Variants in SPEG observed in about 807,000 individuals in gnomAD.
The protein encoded by SPEG is striated muscle preferentially expressed protein kinase.
SPEG carries 114 observed loss-of-function variants against 300.4 expected under a neutral mutation model. That is an observed-to-expected ratio of 0.38 (90% confidence interval 0.33 to 0.44). The LOEUF (loss-of-function observed/expected upper bound fraction) is 0.44, where lower values mean the gene tolerates loss of function less well. Ranked by LOEUF, SPEG falls within the 20% of genes least tolerant of loss-of-function variation. The probability of loss-of-function intolerance (pLI) is 1.00; values close to 1 mark genes in which losing one functional copy is unlikely to be tolerated. For missense variants in SPEG, 4,201 were observed against 4,586.2 expected (o/e 0.92, Z 2.43); for synonymous variants, 1,964 against 2,018.9 (o/e 0.97, Z 0.73).
intron 18 of SPEG, among the ~76,000 whole-genome samples, chr2:219,474,530 C>T (rs528099510): frequency 6.6e-5 from 10 of 152,162 alleles, no homozygotes; most frequent in East Asian, 3.9e-4. Flanking sequence ...AGACTGAGGC[C>T]GAGGCTAAGA....
In SPEG at chr2:219,488,673, T is replaced by C. The variant is rs1367172780; in HGVS notation, c.8026+8T>C. On this transcript the variant is annotated splice_region_variant and intron_variant, in intron 33 of 40. Transcript: ENST00000312358. ...GTACCGTGGCTGTGGCCCGTGAGCC[T>C]GGGGCAGGGCCCCAGGGGGGTAGTG... is the stretch of plus-strand genomic sequence containing the variant. The C allele has an allele frequency of 1.9e-6, 3 of 1,601,302 alleles. No homozygotes were observed. The highest frequency in any genetic ancestry group is 2.6e-6 in the Non-Finnish European group (3 of 1,172,786).
Position 219,467,449 on chromosome 2 carries a change from A to G in SPEG, c.3142+15A>G. 1.3e-6 allele frequency: 2 copies of G among 1,588,972 alleles called. No homozygotes were observed. Among genetic ancestry groups the G allele is most frequent in the South Asian group, 1.1e-5 (1 of 89,802 alleles). On this transcript the variant is annotated intron_variant, in intron 10 of 40. Coordinates refer to ENST00000312358, the MANE Select transcript of SPEG (RefSeq NM_005876.5). ...CACGGCCAAAGGTAACTCCCCACTCAGGCATTGGGCTGCCGTGGGTGCCCA... is the reference window on the plus strand; with the variant it reads ...CACGGCCAAAGGTAACTCCCCACTCGGGCATTGGGCTGCCGTGGGTGCCCA...
In SPEG at chr2:219,472,312, G is replaced by A. The variant is rs777399726; in HGVS notation, c.3921G>A (p.Arg1307=). The A allele has an allele frequency of 4.2e-5, 68 of 1,613,764 alleles. 1 individual carries two copies. The highest frequency in any genetic ancestry group is 5.5e-5 in the Non-Finnish European group (65 of 1,179,978). ...RMVTLTWNPP[R]SLDMAIDPDS... Reference sequence around the variant, plus strand: ...TCACACTCACATGGAACCCCCCCAGGAGTCTGGACATGGCCATCGGTGGGT... The same window carrying A: ...TCACACTCACATGGAACCCCCCCAGAAGTCTGGACATGGCCATCGGTGGGT... The change falls in exon 15 of 41, where the codon AGG becomes AGA. Residue 1307 remains arginine (R), a synonymous_variant. Transcript: ENST00000312358.
chr2:219,445,968 G>T lies in SPEG; in HGVS notation c.815+807G>T, dbSNP rs568503498. 6.6e-6 allele frequency among the ~76,000 whole-genome samples: 1 copy of T among 152,138 alleles called. No homozygotes were observed. The highest frequency in any genetic ancestry group is 1.5e-5 in the Non-Finnish European group (1 of 67,982). ...TTGGGGCTCGCAGATACAGGAGGGA[G>T]TGCTATAGTGGAAGAGGGGAGTGGC... On this transcript the variant is annotated intron_variant, in intron 3 of 40. Coordinates refer to ENST00000312358, the MANE Select transcript of SPEG (RefSeq NM_005876.5). This position sits in a 1 kb window ranked among gnomAD's most constrained non-coding sequence, Gnocchi z 6.1.
intron 1 of SPEG, 102 bp downstream of exon 1, chr2:219,435,467 CGCCTTCTTCCCAGGT>C (rs1371444613): frequency 7.9e-7 from 1 of 1,259,202 alleles, no homozygotes; most frequent in Non-Finnish European, 1.0e-6. Context: ...CTGGTTCCGC[CGCCTTCTTCCCAGGT>C]GCCCTGGCTT....
At position 219,472,214 on chromosome 2, in the gene SPEG, C is replaced by A; in HGVS notation, c.3836-13C>A. 5 of 1,612,586 alleles carry A rather than the reference C, an allele frequency of 3.1e-6. No homozygotes were observed. Among genetic ancestry groups the A allele is most frequent in the Non-Finnish European group, 4.2e-6 (5 of 1,179,308 alleles). ...CCCTTGGACCCAGCAGACATTCGAA[C>A]TGCGGCTTTCAGATGTGGTCCCAGG... On this transcript the variant is annotated splice_polypyrimidine_tract_variant and intron_variant, in intron 14 of 40. Coordinates refer to ENST00000312358, the MANE Select transcript of SPEG (RefSeq NM_005876.5).
At position 219,448,535 on chromosome 2, in the gene SPEG, G is replaced by A; in HGVS notation, c.1377G>A (p.Ala459=). Residue 459 remains alanine (A), a synonymous_variant, in exon 4 of 41, where the codon GCG becomes GCA. Coordinates refer to ENST00000312358, the MANE Select transcript of SPEG (RefSeq NM_005876.5). ...GGGCCTCGCAGGAAGAACTGCGGGC[G>A]CCAGGCAGCGTGGCCGAGCGGCGCC... The part of the protein sequence containing the change: ...TPGASQEELR[A]PGSVAERRRL... 1.4e-6 allele frequency: 2 copies of A among 1,444,020 alleles called. No individual in the cohort carries two copies. The highest frequency in any genetic ancestry group is 9.0e-7 in the Non-Finnish European group (1 of 1,108,094). The allele number at this position is 1,444,020 out of a possible 1,614,324, so 89.5% of individuals were successfully genotyped here.
chr2:219,473,496 C>A lies in SPEG; in HGVS notation c.4148-8C>A, dbSNP rs1692072360. ...CCCAGCACAGAGCCTGCGCTCTCCT[C>A]CTCCCAGGCCCAACCCTGGAGGAGG... On this transcript the variant is annotated splice_polypyrimidine_tract_variant and splice_region_variant and intron_variant, in intron 16 of 40. Transcript: ENST00000312358. This position sits in a 1 kb window ranked among gnomAD's most constrained non-coding sequence, Gnocchi z 4.6. 1.9e-6 allele frequency: 3 copies of A among 1,613,574 alleles called. No homozygotes were observed. Among genetic ancestry groups the A allele is most frequent in the Non-Finnish European group, 2.5e-6 (3 of 1,179,900 alleles).
Position 219,483,809 on chromosome 2 carries a change from C to G in SPEG, c.6346C>G (p.His2116Asp), listed in dbSNP as rs753586945. The G allele has an allele frequency of 2.5e-6, 4 of 1,575,440 alleles. No homozygotes were observed. Among genetic ancestry groups the G allele is most frequent in the Non-Finnish European group, 3.4e-6 (4 of 1,167,816 alleles). ...RAASSEAAPHHQPPLENRGLQ... is the reference protein window; with the variant it reads ...RAASSEAAPHDQPPLENRGLQ... ...TGCCTCCAGCGAGGCAGCGCCCCAC[C>G]ACCAGCCCCCACTCGAGAACCGGGG... Residue 2116 changes from histidine to aspartate, a missense_variant, in exon 30 of 41, where the codon CAC becomes GAC. Physicochemically the swap from His to Asp is moderately conservative, Grantham distance 81. Transcript: ENST00000312358.
At chr2:219,475,015 C>T (rs1355853430) in intron 18 of SPEG, among the ~76,000 whole-genome samples, 1 of 152,002 alleles carries the variant, frequency 6.6e-6, no homozygotes, top group Non-Finnish European at 1.5e-5. Context: ...GAACTCCTGG[C>T]CTCAAGTAAT....
Position 219,444,550 on chromosome 2 carries a change from T to C in SPEG, c.389-103T>C. On this transcript the variant is annotated intron_variant, in intron 1 of 40. Coordinates refer to ENST00000312358, the MANE Select transcript of SPEG (RefSeq NM_005876.5). This position sits in a 1 kb window ranked among gnomAD's most constrained non-coding sequence, Gnocchi z 7.8. ...GAGGAGGTGCTGGCAGCCCTGCCAG[T>C]GATAAGATGGAGCCTGCTGTTGGCA... 1 of 951,176 alleles carries C rather than the reference T, an allele frequency of 1.1e-6. No homozygotes were observed. The highest frequency in any genetic ancestry group is 1.6e-5 in the African/African-American group (1 of 61,626). 58.9% of individuals were successfully genotyped at this position (951,176 alleles called of 1,614,324 possible).
chr2:219,476,836 C>A, intron 18 of SPEG, 34 bp from the exon 19 acceptor site: 1 of 1,568,838 alleles, frequency 6.4e-7, no homozygotes, highest in Non-Finnish European at 8.8e-7. Context: ...CCCCTAGCCC[C>A]TTCTCTTCCC....
chr2:219,436,138 C>T (rs1954712390), intron 1 of SPEG, among the ~76,000 whole-genome samples: 1 of 152,228 alleles, frequency 6.6e-6, no homozygotes, highest in Admixed American at 6.5e-5. Flanking sequence ...GTTTCCAGAG[C>T]ATGGAAGGGG....
At position 219,471,974 on chromosome 2, in the gene SPEG, C is replaced by T. The variant is rs763664009; in HGVS notation, c.3822C>T (p.His1274=). Residue 1274 remains histidine, a synonymous_variant, in exon 14 of 41, where the codon CAC becomes CAT. Coordinates refer to ENST00000312358, the MANE Select transcript of SPEG (RefSeq NM_005876.5). ...TGGGCAAAGCTGCCTGCTATGCCCA[C>T]CTGTATGTCACAGGTGAGGCAGGCA... ...NKLGKAACYA[H]LYVTDVVPGP... 6.2e-7 allele frequency: 1 copy of T among 1,612,854 alleles called. No individual in the cohort carries two copies. Among genetic ancestry groups the T allele is most frequent in the East Asian group, 2.2e-5 (1 of 44,892 alleles).
rs375345784 is a variant in SPEG at position 219,490,812 on chromosome 2, G to A, written c.9241G>A (p.Val3081Met). 15 of 1,613,948 alleles carry A rather than the reference G, an allele frequency of 9.3e-6. No individual in the cohort carries two copies. The highest frequency in any genetic ancestry group is 3.3e-5 in the Admixed American group (2 of 60,004). The change falls in exon 38 of 41, where the codon GTG (valine) becomes ATG (methionine). Residue 3081 changes from valine to methionine, a missense_variant. Val to Met is a conservative substitution (Grantham distance 21). This residue lies in a region of SPEG where 318 missense variants were observed against 429.5 expected (regional missense o/e 0.74). Coordinates refer to ENST00000312358, the MANE Select transcript of SPEG (RefSeq NM_005876.5). Reference protein sequence around the residue: ...QGLDYLHGHHVLHLDIKPDNL... With the variant: ...QGLDYLHGHHMLHLDIKPDNL... ...CCTGGACTACCTCCACGGCCACCAC[G>A]TGCTCCACCTAGACATCAAGCCAGA...
At chr2:219,442,145 G>T in intron 1 of SPEG, 1 of 1,082,788 alleles carries the variant, frequency 9.2e-7, no homozygotes, top group South Asian at 4.7e-5. Flanking sequence ...GCCCCGGAGG[G>T]AGGGCGGGTC....
chr2:219,459,574 G>C lies in SPEG; in HGVS notation c.2441-2308G>C, dbSNP rs1383859942. Among the ~76,000 whole-genome samples the C allele has an allele frequency of 6.6e-6, 1 of 152,098 alleles. No homozygotes were observed. The highest frequency in any genetic ancestry group is 2.4e-5 in the African/African-American group (1 of 41,412). ...ATGCCCTCCAGCATGCTGTTCCCCTGGGCACCACCAGGGGTCTCTGAGGCT... is the reference window on the plus strand; with the variant it reads ...ATGCCCTCCAGCATGCTGTTCCCCTCGGCACCACCAGGGGTCTCTGAGGCT... On this transcript the variant is annotated intron_variant, in intron 6 of 40. Transcript: ENST00000312358. This position sits in a 1 kb window ranked among gnomAD's most constrained non-coding sequence, Gnocchi z 4.9.
At position 219,481,377 on chromosome 2, in the gene SPEG, G is replaced by T. The variant is rs575890182; in HGVS notation, c.5443G>T (p.Ala1815Ser). The T allele has an allele frequency of 6.2e-7, 1 of 1,614,160 alleles. No individual in the cohort carries two copies. Among genetic ancestry groups the T allele is most frequent in the South Asian group, 1.1e-5 (1 of 91,084 alleles). Reference sequence around the variant, plus strand: ...GATGAACATCCGAAACTACAACGTGGCCTTCGAGGAGACCACATTCCTGAG... The same window carrying T: ...GATGAACATCCGAAACTACAACGTGTCCTTCGAGGAGACCACATTCCTGAG... ...TLMNIRNYNVAFEETTFLSLS... is the reference protein window; with the variant it reads ...TLMNIRNYNVSFEETTFLSLS... Residue 1815 changes from alanine (A) to serine (S), a missense_variant, in exon 27 of 41, where the codon GCC becomes TCC. By Grantham distance (99) the Ala-to-Ser change is moderately conservative. Around this residue, in one of 4 missense-constraint regions of SPEG, gnomAD observed 1,047 missense variants for 1,356.8 expected, o/e 0.77. Coordinates refer to ENST00000312358, the MANE Select transcript of SPEG (RefSeq NM_005876.5). The surrounding 1 kb of genome is among the most constrained non-coding windows in gnomAD (Gnocchi z 5.4).
chr2:219,435,018 C>G lies in SPEG; in HGVS notation c.41C>G (p.Thr14Arg). 1 of 1,503,478 alleles carries G rather than the reference C, an allele frequency of 6.7e-7. No homozygotes were observed. Among genetic ancestry groups the G allele is most frequent in the Non-Finnish European group, 8.8e-7 (1 of 1,133,714 alleles). The allele number at this position is 1,503,478 out of a possible 1,614,324, so 93.1% of individuals were successfully genotyped here. Reference sequence around the variant, plus strand: ...GGCACGCGAGGCGAGGATGCGGGCACGAGGGCACCCCCCAGCCCCGGAGTG... The same window carrying G: ...GGCACGCGAGGCGAGGATGCGGGCAGGAGGGCACCCCCCAGCCCCGGAGTG... ...ARGTRGEDAG[T>R]RAPPSPGVPP... The change falls in exon 1 of 41, where the codon ACG (threonine) becomes AGG (arginine). Residue 14 changes from threonine (T) to arginine (R), a missense_variant. Thr to Arg is a moderately conservative substitution (Grantham distance 71). Around this residue, in one of 4 missense-constraint regions of SPEG, gnomAD observed 1,258 missense variants for 1,293.9 expected, o/e 0.97. Coordinates refer to ENST00000312358, the MANE Select transcript of SPEG (RefSeq NM_005876.5).
Sources: allele counts gnomAD v4.1 joint callset (sites outside exome capture counted in the v4.1 genomes callset), GRCh38; gene constraint gnomAD v4.1.1; regional missense constraint gnomAD v4.1.1; non-coding constraint Gnocchi (gnomAD v3.1); transcripts MANE v1.5; gene names NCBI Gene and HGNC (gene_info 2026-07-23, HGNC 2026-07-21).